PLS1: variants seen among roughly 807,000 people sequenced by gnomAD.
PLS1 encodes the protein plastin-1.
A neutral mutation model predicts 73.7 loss-of-function variants in PLS1; 32 were observed. The observed-to-expected ratio is 0.43, with a 90% CI of 0.33 to 0.58. The LOEUF (loss-of-function observed/expected upper bound fraction) is 0.58, where lower values mean the gene tolerates loss of function less well. PLS1 is among the 20% of genes least tolerant of loss of function. The pLI is 0.04. For missense variants in PLS1, 633 were observed against 740.5 expected, an observed-to-expected ratio of 0.85 and a Z score of 1.68; for synonymous variants, 217 against 261.3, an observed-to-expected ratio of 0.83 and a Z score of 1.63.
At chr3:142,654,868 C>T (rs2037187112) in intron 1 of PLS1, 1 of 152,084 alleles carries the variant, frequency 6.6e-6, no homozygotes, top group African/African-American at 2.4e-5. Flanking sequence ...TTCATCTCCT[C>T]TTGTCAGTTG....
At chr3:142,704,046 C>T in intron 13 of PLS1, 45 bp downstream of exon 13, 2 of 1,574,932 alleles carry the variant, frequency 1.3e-6, no homozygotes, top group Non-Finnish European at 1.7e-6. Flanking sequence ...TTTCCTCCAA[C>T]AAGTAATCTG....
intron 12 of PLS1, among the ~76,000 whole-genome samples, chr3:142,700,539 G>A (rs921798541): frequency 1.3e-5 from 2 of 152,120 alleles, no homozygotes; most frequent in African/African-American, 4.8e-5. Context: ...TAGCCAGGAT[G>A]GTCTTGTCTC....
rs778112129 is a variant in PLS1, at chr3:142,670,992, G to A, written c.235-1G>A. 9 of 1,584,852 alleles carry A rather than the reference G, an allele frequency of 5.7e-6. No individual in the cohort carries two copies. Among genetic ancestry groups the A allele is most frequent in the Non-Finnish European group, 7.8e-6 (9 of 1,156,170 alleles). ...TCAATTTTACTTATGTTCCATTCCAGCTAATGCAAGAATTAAAAAGCAAAG... is the reference window on the plus strand; with the variant it reads ...TCAATTTTACTTATGTTCCATTCCAACTAATGCAAGAATTAAAAAGCAAAG... On this transcript the variant is annotated splice_acceptor_variant, in intron 3 of 15. Transcript: ENST00000457734. LOFTEE classifies it high-confidence loss of function.
At chr3:142,609,913 G>A (rs1458754475) in intron 1 of PLS1, among the ~76,000 whole-genome samples, 2 of 152,140 alleles carry the variant, frequency 1.3e-5, no homozygotes, top group Non-Finnish European at 2.9e-5. Flanking sequence ...CTTTCGCGCA[G>A]GCTGGAGTGC....
At chr3:142,668,902 C>T (rs762375024) in intron 2 of PLS1, among the ~76,000 whole-genome samples, 1 of 151,810 alleles carries the variant, frequency 6.6e-6, no homozygotes, top group African/African-American at 2.4e-5. Context: ...GCGCCTGGCC[C>T]CCCCCATGCT....
At position 142,691,559 on chromosome 3, in the gene PLS1, A is replaced by C. The variant is rs1305987654; in HGVS notation, c.1177+1746A>C. 5.3e-5 allele frequency among the ~76,000 whole-genome samples: 8 copies of C among 152,116 alleles called. No individual in the cohort carries two copies. In the East Asian group the frequency reaches 1.5e-3, roughly 29 times the overall value. ...GTTTGAATTCTTTTTGCTAGTGTTC[A>C]GCATGCTTTTGGAATTTTTCAGTGT... is the stretch of plus-strand genomic sequence containing the variant. On this transcript the variant is annotated intron_variant, in intron 10 of 15. Coordinates refer to ENST00000457734, the MANE Select transcript of PLS1 (RefSeq NM_001145319.2).
At chr3:142,639,291 T>C (rs1311808119) in intron 1 of PLS1, among the ~76,000 whole-genome samples, 5 of 152,092 alleles carry the variant, frequency 3.3e-5, no homozygotes, top group Non-Finnish European at 7.4e-5. Context: ...GGTGTGGTTG[T>C]CCCTCCCTGC....
At chr3:142,681,098 G>A (rs1044579456) in intron 6 of PLS1, among the ~76,000 whole-genome samples, 1 of 152,126 alleles carries the variant, frequency 6.6e-6, no homozygotes, top group African/African-American at 2.4e-5. Flanking sequence ...TTTTGGAAGT[G>A]TGCTATCTAA....
intron 1 of PLS1, among the ~76,000 whole-genome samples, chr3:142,641,307 A>G (rs2036835026): frequency 6.8e-6 from 1 of 146,582 alleles, no homozygotes; most frequent in African/African-American, 2.5e-5. Context: ...GATAAATAAT[A>G]TATATATTTA....
intron 10 of PLS1, among the ~76,000 whole-genome samples, chr3:142,692,571 T>C (rs1288047874): frequency 6.6e-6 from 1 of 152,150 alleles, no homozygotes; most frequent in African/African-American, 2.4e-5. Flanking sequence ...AAATCTATTT[T>C]ACTTTCCAGG....
At chr3:142,684,426 T>A in intron 8 of PLS1, 31 bp downstream of exon 8, 1 of 1,586,762 alleles carries the variant, frequency 6.3e-7, no homozygotes, top group Non-Finnish European at 8.6e-7. Flanking sequence ...ATTTGTGACA[T>A]GAAATAAGGA....
At chr3:142,644,843 C>A (rs2036919557) in intron 1 of PLS1, among the ~76,000 whole-genome samples, 1 of 152,158 alleles carries the variant, frequency 6.6e-6, no homozygotes, top group South Asian at 2.1e-4. Flanking sequence ...ATCAATTTTT[C>A]TAATGCCAAG....
At chr3:142,687,248 A>C (rs2037989246) in intron 9 of PLS1, among the ~76,000 whole-genome samples, 2 of 151,998 alleles carry the variant, frequency 1.3e-5, no homozygotes. Context: ...GTGCAAAAAA[A>C]TCTAGTGTTT....
rs145632795 is a variant in PLS1 at position 142,662,383 on chromosome 3, C to G, written c.-36-1819C>G. On this transcript the variant is annotated intron_variant, in intron 1 of 15. Transcript: ENST00000457734. The stretch of plus-strand genomic sequence containing the variant: ...GTTGAACAATGAGAACACATGGACA[C>G]AAGGAGGGGAACATCACACACCAGG... 3.8e-4 allele frequency among the ~76,000 whole-genome samples: 57 copies of G among 151,948 alleles called. 1 individual carries two copies. The East Asian group carries it at 8.9e-3, about 24-fold the overall frequency.
intron 12 of PLS1, among the ~76,000 whole-genome samples, chr3:142,700,513 C>T (rs1322466647): frequency 3.3e-5 from 5 of 152,008 alleles, no homozygotes; most frequent in Admixed American, 2.6e-4. Flanking sequence ...TTAGTACAGA[C>T]GGGGTTTCAC....
At position 142,596,934 on chromosome 3, in the gene PLS1, T is replaced by C. The variant is rs1224856477; in HGVS notation, c.-37+425T>C. ...TCAATAGGGCTGTAGTGAAATCCCA[T>C]CCGTGCTGTTTTTGGTACCTTTCCT... On this transcript the variant is annotated intron_variant, in intron 1 of 15. Coordinates refer to ENST00000457734, the MANE Select transcript of PLS1 (RefSeq NM_001145319.2). Among the ~76,000 whole-genome samples, 53 of 152,190 alleles carry C rather than the reference T, an allele frequency of 3.5e-4. 1 individual carries two copies. The highest frequency in any genetic ancestry group is 5.9e-5 in the Non-Finnish European group (4 of 68,034).
chr3:142,694,479 G>C lies in PLS1; in HGVS notation c.1188G>C (p.Lys396Asn), dbSNP rs773331756. The C allele has an allele frequency of 1.2e-6, 2 of 1,601,080 alleles. No homozygotes were observed. Among genetic ancestry groups the C allele is most frequent in the South Asian group, 2.2e-5 (2 of 90,766 alleles). ...TTGTGTCTACTCTAGGAGAGAGCAA[G>C]GAAGAGAGAACATTTCGGAACTGGA... ...IDMNLLEGES[K>N]EERTFRNWMN... is the part of the protein sequence containing the mutation. Residue 396 changes from lysine to asparagine, a missense_variant, in exon 11 of 16, where the codon AAG (lysine) becomes AAC (asparagine). Transcript: ENST00000457734.
intron 4 of PLS1, among the ~76,000 whole-genome samples, chr3:142,674,177 A>G (rs1390811178): frequency 6.6e-6 from 1 of 152,104 alleles, no homozygotes; most frequent in Non-Finnish European, 1.5e-5. Context: ...ATTTCTTTGT[A>G]TATTTGTTTT....
At chr3:142,646,873 T>C (rs1228353163) in intron 1 of PLS1, among the ~76,000 whole-genome samples, 1 of 152,252 alleles carries the variant, frequency 6.6e-6, no homozygotes, top group Admixed American at 6.5e-5. Flanking sequence ...AGATTAAATC[T>C]TTCCACTGTC....
Sources: gnomAD v4.1 joint callset for allele counts (sites outside exome capture counted in the v4.1 genomes callset) on GRCh38, gnomAD v4.1.1 for gene constraint, MANE v1.5 for transcripts, NCBI Gene and HGNC (gene_info 2026-07-23, HGNC 2026-07-21) for gene names.